The following CAD variants were observed in gnomAD, a reference collection of about 807,000 sequenced individuals.
CAD encodes carbamoyl-phosphate synthetase 2, aspartate transcarbamylase, and dihydroorotase.
CAD carries 81 observed loss-of-function variants against 237.2 expected under a neutral mutation model. That is an observed-to-expected ratio of 0.34 (90% CI 0.29 to 0.41). The LOEUF is 0.41. Among genes scored for constraint, CAD ranks in the 10% least tolerant of loss-of-function variants. The pLI, the probability that CAD is intolerant of heterozygous loss-of-function variation, is 1.00. For missense variants in CAD, 2,181 were observed against 2,951.7 expected, an observed-to-expected ratio of 0.74 and a Z score of 6.05; for synonymous variants, 1,196 against 1,162.8, an observed-to-expected ratio of 1.03 and a Z score of -0.58.
rs146668657 is a variant in CAD, at chr2:27,221,241, C to T, written c.246C>T (p.His82=). 3.0e-4 allele frequency: 472 copies of T among 1,566,074 alleles called. No homozygotes were observed. The highest frequency in any genetic ancestry group is 3.7e-4 in the Non-Finnish European group (426 of 1,152,924). The change falls in exon 3 of 44, where the codon CAC becomes CAT. Residue 82 remains histidine (H), a synonymous_variant. Transcript: ENST00000264705. ...LCKWFESSGI[H]VAALVVGECC... Reference sequence around the variant, plus strand: ...AGTGGTTTGAATCCTCGGGCATCCACGTAGCAGCACTGGTAGTGGGAGAGT... The same window carrying T: ...AGTGGTTTGAATCCTCGGGCATCCATGTAGCAGCACTGGTAGTGGGAGAGT...
intron 42 of CAD, 68 bp downstream of exon 42, chr2:27,243,041 G>T: frequency 7.1e-7 from 1 of 1,412,142 alleles, no homozygotes; most frequent in Non-Finnish European, 9.9e-7. Flanking sequence ...GGACAGAAAG[G>T]CTGGGCTGAG....
intron 2 of CAD, among the ~76,000 whole-genome samples, chr2:27,220,173 A>G (rs1341656097): frequency 6.6e-6 from 1 of 152,164 alleles, no homozygotes; most frequent in Admixed American, 6.5e-5. Flanking sequence ...GACTGACACC[A>G]TGTGCCTTGC....
rs1675870638 is a variant in CAD, at chr2:27,233,632, C to T, written c.3223C>T (p.Arg1075Cys). ...AGCTCCCTGCCTCCTGTAGTCTGCT[C>T]GCCAATTCTGCCAGACCGTGGGGTA... is the stretch of plus-strand genomic sequence containing the variant. ...WRELSDLESA[R>C]QFCQTVGYPC... Residue 1075 changes from arginine (R) to cysteine (C), a missense_variant, in exon 21 of 44, where the codon CGC (arginine) becomes TGC (cysteine). By Grantham distance (180) the Arg-to-Cys change is radical (BLOSUM62 -3). Transcript: ENST00000264705. This position sits in a 1 kb window ranked among gnomAD's most constrained non-coding sequence, Gnocchi z 6.3. The T allele has an allele frequency of 1.9e-6, 3 of 1,613,994 alleles. No homozygotes were observed. The highest frequency in any genetic ancestry group is 2.5e-6 in the Non-Finnish European group (3 of 1,180,042).
chr2:27,239,616 T>C lies in CAD; in HGVS notation c.5395-81T>C. 1 of 1,487,274 alleles carries C rather than the reference T, an allele frequency of 6.7e-7. No homozygotes were observed. The highest frequency in any genetic ancestry group is 2.3e-5 in the East Asian group (1 of 43,744). 92.1% of individuals were successfully genotyped at this position (1,487,274 alleles called of 1,614,324 possible). ...TGGGGGCACAGCTCCCCCAAGGTGC[T>C]TTTTGTCCTTGCTGACATCTACCCC... On this transcript the variant is annotated intron_variant, in intron 33 of 43. Coordinates refer to ENST00000264705, the MANE Select transcript of CAD (RefSeq NM_004341.5). The surrounding 1 kb of genome is among the most constrained non-coding windows in gnomAD (Gnocchi z 4.0).
rs553260927 is a variant in CAD, at chr2:27,236,873, C to G, written c.4396+43C>G. The G allele has an allele frequency of 6.5e-7, 1 of 1,529,172 alleles. No individual in the cohort carries two copies. The highest frequency in any genetic ancestry group is 1.1e-5 in the South Asian group (1 of 89,346). The allele number at this position is 1,529,172 out of a possible 1,614,324, so 94.7% of individuals were successfully genotyped here. On this transcript the variant is annotated intron_variant, in intron 27 of 43. Transcript: ENST00000264705. The surrounding 1 kb of genome is among the most constrained non-coding windows in gnomAD (Gnocchi z 4.1). The stretch of plus-strand genomic sequence containing the variant: ...ACTTGGCTTCTGAACACTGGCAGCC[C>G]CTGGCATAGAGACCTGCAGTGTGGT...
In CAD at chr2:27,241,997, T is replaced by C; in HGVS notation, c.5970T>C (p.Ala1990=). 6.2e-7 allele frequency: 1 copy of C among 1,613,378 alleles called. No individual in the cohort carries two copies. The highest frequency in any genetic ancestry group is 1.1e-5 in the South Asian group (1 of 91,082). The change falls in exon 39 of 44, where the codon GCT becomes GCC. Residue 1990 remains alanine, a synonymous_variant. Coordinates refer to ENST00000264705, the MANE Select transcript of CAD (RefSeq NM_004341.5). This position sits in a 1 kb window ranked among gnomAD's most constrained non-coding sequence, Gnocchi z 4.6. ...FAAAMARLGG[A]VLSFSEATSS... is the part of the protein sequence containing the mutation. Reference sequence around the variant, plus strand: ...CAGCCATGGCCCGGCTGGGAGGTGCTGTGCTCAGCTTCTCGGAAGCCACAT... The same window carrying C: ...CAGCCATGGCCCGGCTGGGAGGTGCCGTGCTCAGCTTCTCGGAAGCCACAT...
At position 27,221,361 on chromosome 2, in the gene CAD, CAG is replaced by C. The variant is rs764052161; in HGVS notation, c.352+15_352+16del. ...CTGGCTTGCAAGGTATGGTGGCAAG[CAG>C]GGGCATATTTGGGCAGAGCACAGCA... On this transcript the variant is annotated intron_variant, in intron 3 of 43. Transcript: ENST00000264705. 5 of 1,546,448 alleles carry C rather than the reference CAG, an allele frequency of 3.2e-6. No individual in the cohort carries two copies. The East Asian group carries it at 9.5e-5, about 29-fold the overall frequency.
chr2:27,236,531 A>C lies in CAD; in HGVS notation c.4314+8A>C, dbSNP rs1358998322. ...ACCAAACTCTTTGTGGAGGTAACTG[A>C]GACCCATGTGCTGGGAGGGAGACTG... On this transcript the variant is annotated splice_region_variant and intron_variant, in intron 26 of 43. Coordinates refer to ENST00000264705, the MANE Select transcript of CAD (RefSeq NM_004341.5). This position sits in a 1 kb window ranked among gnomAD's most constrained non-coding sequence, Gnocchi z 4.1. 1 of 1,609,656 alleles carries C rather than the reference A, an allele frequency of 6.2e-7. No homozygotes were observed. The highest frequency in any genetic ancestry group is 2.2e-5 in the East Asian group (1 of 44,888).
chr2:27,238,546 A>C lies in CAD; in HGVS notation c.4976A>C (p.Glu1659Ala). Residue 1659 changes from glutamate to alanine, a missense_variant, in exon 31 of 44, where the codon GAG (glutamate) becomes GCG (alanine). Physicochemically the swap from Glu to Ala is moderately radical, Grantham distance 107 (BLOSUM62 -1). Around this residue, in one of 12 missense-constraint regions of CAD, gnomAD observed 478 missense variants for 515.0 expected, o/e 0.93. Coordinates refer to ENST00000264705, the MANE Select transcript of CAD (RefSeq NM_004341.5). ...GAGCGCCTGGGGCCTGGGAAGGGGG[A>C]GGTCCGGCCTGAGCTTGGCTCCCGC... ...DLERLGPGKG[E>A]VRPELGSRQD... The C allele has an allele frequency of 6.2e-7, 1 of 1,613,922 alleles. No homozygotes were observed. The highest frequency in any genetic ancestry group is 8.5e-7 in the Non-Finnish European group (1 of 1,179,940).
In CAD at chr2:27,241,099, C is replaced by A; in HGVS notation, c.5680C>A (p.Pro1894Thr). 6.2e-7 allele frequency: 1 copy of A among 1,609,330 alleles called. No homozygotes were observed. The highest frequency in any genetic ancestry group is 8.5e-7 in the Non-Finnish European group (1 of 1,177,858). ...TPDGTCYPPP[P>T]VPRQASPQNL... ...TGATGGCACCTGCTACCCTCCACCACCAGTACCGAGACAGGCATCTCCCCA... is the reference window on the plus strand; with the variant it reads ...TGATGGCACCTGCTACCCTCCACCAACAGTACCGAGACAGGCATCTCCCCA... Residue 1894 changes from proline to threonine, a missense_variant, in exon 37 of 44, where the codon CCA becomes ACA. Physicochemically the swap from Pro to Thr is conservative, Grantham distance 38. Coordinates refer to ENST00000264705, the MANE Select transcript of CAD (RefSeq NM_004341.5). The surrounding 1 kb of genome is among the most constrained non-coding windows in gnomAD (Gnocchi z 4.6).
intron 5 of CAD, 103 bp downstream of exon 5, chr2:27,222,763 G>A: frequency 2.5e-6 from 4 of 1,574,394 alleles, no homozygotes; most frequent in Non-Finnish European, 3.5e-6. Context: ...CAGTGAAGAA[G>A]ATAGACATTG....
rs1167677149 is a variant in CAD, at chr2:27,240,606, G to A, written c.5593+245G>A. ...CCAGGAGCTGGGATCCCACGGGGCA[G>A]CAGAGCGTGGGGTAAATCCAGGTTG... On this transcript the variant is annotated intron_variant, in intron 35 of 43. Coordinates refer to ENST00000264705, the MANE Select transcript of CAD (RefSeq NM_004341.5). The surrounding 1 kb of genome is among the most constrained non-coding windows in gnomAD (Gnocchi z 4.6). The A allele has an allele frequency of 1.2e-5, 19 of 1,543,834 alleles. No homozygotes were observed. The Admixed American group carries it at 3.4e-4, about 27-fold the overall frequency.
At chr2:27,231,089 T>C (rs1675728390) in intron 15 of CAD, among the ~76,000 whole-genome samples, 1 of 152,246 alleles carries the variant, frequency 6.6e-6, no homozygotes, top group South Asian at 2.1e-4. Context: ...CACTGCAAGC[T>C]CCACCTCCCG....
rs1172229099 is a variant in CAD at position 27,217,500 on chromosome 2, T to C, written c.-52T>C. 4 of 1,459,288 alleles carry C rather than the reference T, an allele frequency of 2.7e-6. No individual in the cohort carries two copies. The highest frequency in any genetic ancestry group is 4.9e-5 in the East Asian group (2 of 41,062). The allele number at this position is 1,459,288 out of a possible 1,614,324, so 90.4% of individuals were successfully genotyped here. A position where few individuals can be genotyped will look rare whatever the true frequency, so the allele number is the denominator to read the frequency against. On this transcript the variant is annotated 5_prime_UTR_variant, in exon 1 of 44. Transcript: ENST00000264705. ...GTCCTCACGTGGTTCCAGTGGAGTTTGCAGTCCTTCCCGCTTCTCCGTACT... is the reference window on the plus strand; with the variant it reads ...GTCCTCACGTGGTTCCAGTGGAGTTCGCAGTCCTTCCCGCTTCTCCGTACT...
chr2:27,238,173 G>T lies in CAD; in HGVS notation c.4846G>T (p.Ala1616Ser), dbSNP rs767360656. The T allele has an allele frequency of 5.6e-6, 9 of 1,614,086 alleles. No homozygotes were observed. The South Asian group carries it at 8.8e-5, about 16-fold the overall frequency. Residue 1616 changes from alanine to serine, a missense_variant, in exon 30 of 44, where the codon GCA becomes TCA. This residue lies in a region of CAD where 478 missense variants were observed against 515.0 expected (regional missense o/e 0.93). Transcript: ENST00000264705. ...GCGCTCAGTGCACATATGTCACGTG[G>T]CACGGAAGGAGGAGGTAAGAGTACA... ...TQRSVHICHV[A>S]RKEEILLIKA... is the part of the protein sequence containing the mutation.
At chr2:27,217,672 CTG>C (rs772667208) in intron 1 of CAD, 39 bp downstream of exon 1, 6 of 1,522,612 alleles carry the variant, frequency 3.9e-6, no homozygotes, top group Non-Finnish European at 5.4e-6. Flanking sequence ...TTATCCCACT[CTG>C]TGATGCGCCT....
At chr2:27,221,780 T>TTTTTTTTTTTTTTTTTTTTA (rs1491358907) in intron 3 of CAD, among the ~76,000 whole-genome samples, 1 of 118,846 alleles carries the variant, frequency 8.4e-6, no homozygotes, top group African/African-American at 3.6e-5. Context: ...TTTTTTTTTT[T>TTTTTTTTTTTTTTTTTTTTA]CTGTTCATTT....
At chr2:27,219,418 TTGCAGCCTC>T (rs1675042292) in intron 2 of CAD, among the ~76,000 whole-genome samples, 1 of 152,098 alleles carries the variant, frequency 6.6e-6, no homozygotes, top group South Asian at 2.1e-4. Flanking sequence ...CATGGCTCAC[TTGCAGCCTC>T]TGCCACCTGA....
At position 27,240,686 on chromosome 2, in the gene CAD, G is replaced by T. The variant is rs1676274744; in HGVS notation, c.5594-225G>T. The T allele has an allele frequency of 6.7e-7, 1 of 1,483,616 alleles. No homozygotes were observed. Among genetic ancestry groups the T allele is most frequent in the Admixed American group, 2.0e-5 (1 of 50,308 alleles). 91.9% of individuals were successfully genotyped at this position (1,483,616 alleles called of 1,614,324 possible). A position where few individuals can be genotyped will look rare whatever the true frequency, so the allele number is the denominator to read the frequency against. On this transcript the variant is annotated intron_variant, in intron 35 of 43. Transcript: ENST00000264705. The surrounding 1 kb of genome is among the most constrained non-coding windows in gnomAD (Gnocchi z 4.6). ...TGCCTAGGATGCCTTTGCCAACTGG[G>T]AGAGCCCCGGGAGGGCACCACTGCT... is the stretch of plus-strand genomic sequence containing the variant.
Sources: allele counts gnomAD v4.1 joint callset (sites outside exome capture counted in the v4.1 genomes callset), GRCh38; gene constraint gnomAD v4.1.1; regional missense constraint gnomAD v4.1.1; non-coding constraint Gnocchi (gnomAD v3.1); transcripts MANE v1.5; gene names NCBI Gene and HGNC (gene_info 2026-07-23, HGNC 2026-07-21).